OTC: variants seen among roughly 807,000 people sequenced by gnomAD.
OTC encodes the protein ornithine transcarbamylase, mitochondrial.
OTC carries 3 observed loss-of-function variants against 30.3 expected under a neutral mutation model. That is an observed-to-expected ratio of 0.10 (90% CI 0.05 to 0.26). The LOEUF is 0.26. OTC is among the 10% of genes least tolerant of loss of function. The pLI is 1.00. For missense variants in OTC, 194 were observed against 260.3 expected (o/e 0.75, Z 1.75); for synonymous variants, 111 against 99.7 (o/e 1.11, Z -0.67).
intron 3 of OTC, among the ~76,000 whole-genome samples, chrX:38,378,403 A>G (rs746556011): frequency 9.3e-6 from 1 of 108,006 alleles, no homozygotes; most frequent in Non-Finnish European, 1.9e-5. Flanking sequence ...TTACTCATTC[A>G]GTTTGTACTC....
At chrX:38,333,165 A>T in the OTC span, among the ~76,000 whole-genome samples, 1 of 103,813 alleles carries the variant, frequency 9.6e-6, no homozygotes, top group Non-Finnish European at 2.0e-5. Context: ...GAGTGAGCCG[A>T]GATCGCACCA....
At chrX:38,339,479 C>T in the OTC span, among the ~76,000 whole-genome samples, 1 of 106,637 alleles carries the variant, frequency 9.4e-6, no homozygotes, top group East Asian at 2.9e-4. Context: ...CACAGGGGTT[C>T]GTTGTACAAA....
At chrX:38,334,597 A>C in the OTC span, among the ~76,000 whole-genome samples, 3 of 112,486 alleles carry the variant, frequency 2.7e-5, no homozygotes, top group Admixed American at 9.4e-5. Flanking sequence ...GAAGCAATAC[A>C]TGTGTATTTA....
At chrX:38,331,361 C>T in the OTC span, among the ~76,000 whole-genome samples, 2 of 104,559 alleles carry the variant, frequency 1.9e-5, no homozygotes, top group East Asian at 6.0e-4. Flanking sequence ...TCAAGCAATT[C>T]TCCTGCCTCA....
At chrX:38,361,981 A>G (rs995978874) in intron 1 of OTC, among the ~76,000 whole-genome samples, 1 of 103,126 alleles carries the variant, frequency 9.7e-6, no homozygotes, top group Non-Finnish European at 1.9e-5. Context: ...GCCTGTGTTT[A>G]AAAAAAAAAC....
chrX:38,408,621 A>G lies in OTC; in HGVS notation c.664-121A>G, dbSNP rs1393246723. ...ATGTAAAAATCATATTCTACTGAAC[A>G]TGGTGGGACCACATCTTGAAAAAGG... On this transcript the variant is annotated intron_variant, in intron 6 of 9. Transcript: ENST00000039007. 5 of 504,443 alleles carry G rather than the reference A, an allele frequency of 9.9e-6. No homozygotes were observed. The African/African-American group carries it at 1.2e-4, about 12-fold the overall frequency. 41.6% of individuals were successfully genotyped at this position (504,443 alleles called of 1,213,427 possible).
At position 38,403,657 on chromosome X, in the gene OTC, A is replaced by G; in HGVS notation, c.580A>G (p.Ile194Val). 3.3e-6 allele frequency: 4 copies of G among 1,208,228 alleles called. No homozygotes were observed. The highest frequency in any genetic ancestry group is 4.5e-6 in the Non-Finnish European group (4 of 892,199). The change falls in exon 6 of 10, where the codon ATC (isoleucine) becomes GTC (valine). Residue 194 changes from isoleucine to valine, a missense_variant. Physicochemically the swap from Ile to Val is conservative, Grantham distance 29 (BLOSUM62 3). Coordinates refer to ENST00000039007, the MANE Select transcript of OTC (RefSeq NM_000531.6). Reference protein sequence around the residue: ...SSLKGLTLSWIGDGNNILHSI... With the variant: ...SSLKGLTLSWVGDGNNILHSI... ...TCTGAAAGGTCTTACCCTCAGCTGG[A>G]TCGGGGATGGGAACAATATCCTGCA...
At chrX:38,388,433 G>T (rs1371672213) in intron 4 of OTC, among the ~76,000 whole-genome samples, 1 of 110,717 alleles carries the variant, frequency 9.0e-6, no homozygotes, top group African/African-American at 3.3e-5. Context: ...TTATGAACTG[G>T]ATATTCTTTT....
Position 38,408,771 on chromosome X carries a change from G to A in OTC, c.693G>A (p.Lys231=). The change falls in exon 7 of 10, where the codon AAG becomes AAA. Residue 231 remains lysine (K), a synonymous_variant. Transcript: ENST00000039007. ...KGYEPDASVT[K]LAEQYAKENG... Reference sequence around the variant, plus strand: ...ATGAGCCGGATGCTAGTGTAACCAAGTTGGCAGAGCAGTATGCCAAAGAGG... The same window carrying A: ...ATGAGCCGGATGCTAGTGTAACCAAATTGGCAGAGCAGTATGCCAAAGAGG... 8.3e-7 allele frequency: 1 copy of A among 1,205,877 alleles called. No homozygotes were observed. Among genetic ancestry groups the A allele is most frequent in the Non-Finnish European group, 1.1e-6 (1 of 890,087 alleles).
intron 3 of OTC, among the ~76,000 whole-genome samples, chrX:38,378,029 T>C (rs111487855): frequency 0.042 from 4,547 of 107,172 alleles, 117 homozygotes; most frequent in Middle Eastern, 0.15. Flanking sequence ...TAGAGATGGG[T>C]TTCCCCATGT....
chrX:38,368,085 G>A (rs2147324039), intron 2 of OTC, among the ~76,000 whole-genome samples: 1 of 101,901 alleles, frequency 9.8e-6, no homozygotes, highest in African/African-American at 3.7e-5. Flanking sequence ...ATGAAGGCCA[G>A]GCGCAGTGGC....
chrX:38,417,456 C>T (rs1429086131), intron 9 of OTC, among the ~76,000 whole-genome samples: 1 of 111,192 alleles, frequency 9.0e-6, no homozygotes, highest in African/African-American at 3.3e-5. Flanking sequence ...GTCATGTGAG[C>T]ATTGTAGTCA....
chrX:38,372,404 T>A (rs1218411283), intron 3 of OTC, among the ~76,000 whole-genome samples: 1 of 112,080 alleles, frequency 8.9e-6, no homozygotes, highest in Non-Finnish European at 1.9e-5. Context: ...CTATATATAT[T>A]TTTAAATACC....
At chrX:38,372,142 A>G (rs1250418487) in intron 3 of OTC, among the ~76,000 whole-genome samples, 1 of 112,044 alleles carries the variant, frequency 8.9e-6, no homozygotes, top group East Asian at 2.8e-4. Context: ...TTTCTGAATA[A>G]ATGATTGGTT....
intron 4 of OTC, among the ~76,000 whole-genome samples, chrX:38,397,497 T>C (rs1211221116): frequency 8.9e-6 from 1 of 112,137 alleles, no homozygotes; most frequent in African/African-American, 3.2e-5. Flanking sequence ...GACAAAAATC[T>C]GGTCACTAGG....
chrX:38,399,536 G>T (rs1222693203), intron 4 of OTC, among the ~76,000 whole-genome samples: 1 of 110,715 alleles, frequency 9.0e-6, no homozygotes, highest in Non-Finnish European at 1.9e-5. Context: ...ATCACCTGAG[G>T]TCAGGAGTTT....
chrX:38,367,948 C>T (rs1304153184), intron 2 of OTC, among the ~76,000 whole-genome samples: 8 of 111,215 alleles, frequency 7.2e-5, no homozygotes, highest in Non-Finnish European at 1.3e-4. Context: ...AAACTCTTGA[C>T]CTCAAGTGAT....
At chrX:38,407,855 A>G (rs1251385227) in intron 6 of OTC, among the ~76,000 whole-genome samples, 2 of 111,736 alleles carry the variant, frequency 1.8e-5, no homozygotes, top group Admixed American at 1.9e-4. Context: ...GCTGCTGTGT[A>G]CAGAATAGGT....
chrX:38,346,768 G>T, the OTC span, among the ~76,000 whole-genome samples: 6 of 112,124 alleles, frequency 5.4e-5, no homozygotes, highest in Admixed American at 5.7e-4. Context: ...GAGAGGAGAA[G>T]ATCAATATAC....
Sources: gnomAD v4.1 joint callset for allele counts (sites outside exome capture counted in the v4.1 genomes callset) on GRCh38, gnomAD v4.1.1 for gene constraint, MANE v1.5 for transcripts, NCBI Gene and HGNC (gene_info 2026-07-23, HGNC 2026-07-21) for gene names.